The following MMP16 variants were observed in gnomAD, a reference collection of about 807,000 sequenced individuals.
MMP16 encodes the protein matrix metalloproteinase-16.
MMP16 carries 12 observed loss-of-function variants against 67.8 expected under a neutral mutation model. The ratio of observed to expected loss-of-function variants is 0.18; its 90% confidence interval spans 0.11 to 0.29. MMP16 has a LOEUF of 0.29. MMP16 is among the 10% of genes least tolerant of loss of function. The probability of loss-of-function intolerance (pLI) is 1.00; values close to 1 mark genes in which losing one functional copy is unlikely to be tolerated. For synonymous variants in MMP16, 249 were observed against 255.9 expected, an observed-to-expected ratio of 0.97 and a Z score of 0.26; for missense variants, 475 against 765.7, an observed-to-expected ratio of 0.62 and a Z score of 4.48.
chr8:88,222,039 T>C (rs944346966), intron 1 of MMP16, among the ~76,000 whole-genome samples: 1 of 151,990 alleles, frequency 6.6e-6, no homozygotes, highest in Middle Eastern at 3.2e-3. Flanking sequence ...TTTTATACCT[T>C]TGTAAAAATG....
rs34842203 is a variant in MMP16 at position 88,160,764 on chromosome 8, C to T, written c.709+6905G>A. Among the ~76,000 whole-genome samples the T allele has an allele frequency of 9.7e-4, 147 of 152,076 alleles. 2 individuals carry two copies. Among genetic ancestry groups the T allele is most frequent in the African/African-American group, 3.5e-3 (146 of 41,494 alleles). ...TCTAGAACTAGAAATACCATTTGAC[C>T]CAGCCATCCCATTACTGGGTATATA... is the stretch of plus-strand genomic sequence containing the variant. On this transcript the variant is annotated intron_variant, in intron 4 of 9. Transcript: ENST00000286614.
At chr8:88,260,655 A>T (rs1289113449) in intron 1 of MMP16, among the ~76,000 whole-genome samples, 6 of 152,132 alleles carry the variant, frequency 3.9e-5, no homozygotes, top group Non-Finnish European at 1.5e-5. Flanking sequence ...AAGCCAACTA[A>T]CCAAAATTAT....
chr8:88,078,737 C>T (rs1019098039), intron 6 of MMP16, among the ~76,000 whole-genome samples: 10 of 152,142 alleles, frequency 6.6e-5, no homozygotes, highest in Non-Finnish European at 1.3e-4. Context: ...AACTGATCTA[C>T]TTTTACTTCT....
intron 3 of MMP16, among the ~76,000 whole-genome samples, chr8:88,174,952 C>T (rs961692073): frequency 2.6e-5 from 4 of 152,054 alleles, no homozygotes; most frequent in Non-Finnish European, 4.4e-5. Context: ...TGGGGTTTCA[C>T]CATGTTGGTC....
At chr8:88,138,359 C>A (rs762092180) in intron 4 of MMP16, among the ~76,000 whole-genome samples, 2 of 151,874 alleles carry the variant, frequency 1.3e-5, no homozygotes, top group African/African-American at 2.4e-5. Flanking sequence ...GAGTATAGGG[C>A]CTAACAGGCC....
chr8:88,175,842 T>C (rs1808880672), intron 3 of MMP16, among the ~76,000 whole-genome samples: 1 of 152,146 alleles, frequency 6.6e-6, no homozygotes, highest in Non-Finnish European at 1.5e-5. Context: ...ATAGTGAATA[T>C]GTCTCACGAG....
In MMP16 at chr8:88,138,508, T is replaced by C. The variant is rs958922469; in HGVS notation, c.710-19647A>G. 3.9e-5 allele frequency among the ~76,000 whole-genome samples: 6 copies of C among 152,148 alleles called. No homozygotes were observed. In the East Asian group the frequency reaches 7.8e-4, roughly 20 times the overall value. Reference sequence around the variant, plus strand: ...GTAAAACCTTGAAAGGAACAATAAATAGTATTGGAATTTACATCTTGGTGC... The same window carrying C: ...GTAAAACCTTGAAAGGAACAATAAACAGTATTGGAATTTACATCTTGGTGC... On this transcript the variant is annotated intron_variant, in intron 4 of 9. Transcript: ENST00000286614.
chr8:88,226,093 A>G (rs12545013), intron 1 of MMP16, among the ~76,000 whole-genome samples: 14 of 152,066 alleles, frequency 9.2e-5, no homozygotes, highest in Admixed American at 9.2e-4. Flanking sequence ...TAACAAATAG[A>G]CTGTCGTGTG....
In MMP16 at chr8:88,285,582, C is replaced by A. The variant is rs549138000; in HGVS notation, c.132+41493G>T. 1.6e-4 allele frequency among the ~76,000 whole-genome samples: 25 copies of A among 152,246 alleles called. 1 individual carries two copies. The South Asian group carries it at 5.0e-3, about 30-fold the overall frequency. On this transcript the variant is annotated intron_variant, in intron 1 of 9. Coordinates refer to ENST00000286614, the MANE Select transcript of MMP16 (RefSeq NM_005941.5). ...GCTATTTCTTCTTCCTGGGGAAAAT[C>A]CCTTGAATCATGTTAGATACCATGC...
chr8:88,137,121 G>A (rs769398972), intron 4 of MMP16, among the ~76,000 whole-genome samples: 4 of 151,842 alleles, frequency 2.6e-5, no homozygotes, highest in Non-Finnish European at 5.9e-5. Flanking sequence ...AGATTTTCCA[G>A]ATGAGTAATG....
chr8:88,284,636 A>G (rs1422901681), intron 1 of MMP16, among the ~76,000 whole-genome samples: 2 of 152,114 alleles, frequency 1.3e-5, no homozygotes, highest in Non-Finnish European at 2.9e-5. Context: ...GAAGTAGATG[A>G]CAGACAATGG....
At chr8:88,249,902 CT>C (rs1166538733) in intron 1 of MMP16, among the ~76,000 whole-genome samples, 1 of 152,022 alleles carries the variant, frequency 6.6e-6, no homozygotes. Context: ...AAAATTTTGC[CT>C]ATTCAATATT....
intron 4 of MMP16, among the ~76,000 whole-genome samples, chr8:88,141,116 C>G (rs2118501474): frequency 6.6e-6 from 1 of 152,260 alleles, no homozygotes; most frequent in African/African-American, 2.4e-5. Context: ...AGACAGCCTC[C>G]TTATAATTTC....
chr8:88,061,720 T>G (rs59726417), intron 7 of MMP16, among the ~76,000 whole-genome samples: 10,816 of 152,046 alleles, frequency 0.071, 544 homozygotes, highest in East Asian at 0.29. Flanking sequence ...TTATAGGAAA[T>G]TGTTATTATT....
At chr8:88,148,421 G>A (rs1214652970) in intron 4 of MMP16, among the ~76,000 whole-genome samples, 2 of 152,118 alleles carry the variant, frequency 1.3e-5, no homozygotes, top group Non-Finnish European at 1.5e-5. Context: ...GATAGCCACC[G>A]GTGAAAATAG....
At chr8:88,218,382 G>A (rs985277816) in intron 1 of MMP16, among the ~76,000 whole-genome samples, 1 of 151,994 alleles carries the variant, frequency 6.6e-6, no homozygotes, top group African/African-American at 2.4e-5. Flanking sequence ...ACTTTCAATT[G>A]TATGATGAAT....
At chr8:88,122,998 T>C (rs1807865942) in intron 4 of MMP16, among the ~76,000 whole-genome samples, 1 of 149,934 alleles carries the variant, frequency 6.7e-6, no homozygotes, top group East Asian at 2.0e-4. Flanking sequence ...CCGGCCAACA[T>C]GGATATCCAT....
intron 1 of MMP16, among the ~76,000 whole-genome samples, chr8:88,276,202 A>G (rs940775075): frequency 1.3e-5 from 2 of 152,112 alleles, no homozygotes; most frequent in African/African-American, 4.8e-5. Context: ...CTATGAAAAC[A>G]GTGGGGTACC....
At chr8:88,168,046 G>T in intron 3 of MMP16, 73 bp from the exon 4 acceptor site, 2 of 1,144,132 alleles carry the variant, frequency 1.7e-6, no homozygotes, top group Non-Finnish European at 2.5e-6. Flanking sequence ...GATCGATTCA[G>T]TTAAGTAAAA....
Sources: allele counts gnomAD v4.1 joint callset (sites outside exome capture counted in the v4.1 genomes callset), GRCh38; gene constraint gnomAD v4.1.1; transcripts MANE v1.5; gene names NCBI Gene and HGNC (gene_info 2026-07-23, HGNC 2026-07-21).